AGO2: variants seen among roughly 807,000 people sequenced by gnomAD.
AGO2 encodes protein argonaute-2.
A neutral mutation model predicts 102.3 loss-of-function variants in AGO2; 5 were observed. That is an observed-to-expected ratio of 0.05 (90% confidence interval 0.03 to 0.10). The LOEUF is 0.10. AGO2 is among the 10% of genes least tolerant of loss of function. AGO2 has a pLI of 1.00. For missense variants in AGO2, 541 were observed against 1,183.7 expected (o/e 0.46, Z 7.97); for synonymous variants, 449 against 473.1 (o/e 0.95, Z 0.66).
upstream of AGO2, among the ~76,000 whole-genome samples, chr8:140,640,004 A>ATT (rs35545003): frequency 2.0e-5 from 3 of 151,008 alleles, no homozygotes; most frequent in Non-Finnish European, 1.5e-5. Context: ...TCAAGTTGCC[A>ATT]TTTTTTTTTA....
intron 16 of AGO2, among the ~76,000 whole-genome samples, chr8:140,537,785 T>A (rs535692283): frequency 6.6e-6 from 1 of 152,306 alleles, no homozygotes; most frequent in East Asian, 1.9e-4. Context: ...AGTTGCTGTA[T>A]CTTTTTGGTG....
intron 1 of AGO2, among the ~76,000 whole-genome samples, chr8:140,633,158 G>A (rs943139751): frequency 4.6e-5 from 7 of 152,062 alleles, no homozygotes; most frequent in Admixed American, 6.5e-5. Context: ...TGATCCGCCC[G>A]CCTTGGCCTC....
At chr8:140,561,232 C>T (rs778202004) in intron 4 of AGO2, among the ~76,000 whole-genome samples, 6 of 152,364 alleles carry the variant, frequency 3.9e-5, no homozygotes, top group East Asian at 3.9e-4. Context: ...CGGGAGGCGC[C>T]GTCACTAATG....
At chr8:140,555,250 C>A (rs987610783) in intron 10 of AGO2, among the ~76,000 whole-genome samples, 4 of 152,158 alleles carry the variant, frequency 2.6e-5, no homozygotes, top group Non-Finnish European at 5.9e-5. Context: ...CCGTGGTATG[C>A]AAGCGAGCCC....
chr8:140,612,372 T>A (rs888227167), intron 1 of AGO2, among the ~76,000 whole-genome samples: 1 of 152,054 alleles, frequency 6.6e-6, no homozygotes, highest in Middle Eastern at 3.2e-3. Context: ...GTGTTCCAAA[T>A]GCCTGGTGCA....
chr8:140,547,053 T>TC (rs1364248180), intron 13 of AGO2, among the ~76,000 whole-genome samples: 1 of 152,190 alleles, frequency 6.6e-6, no homozygotes, highest in Non-Finnish European at 1.5e-5. Flanking sequence ...GAGGAGCTTT[T>TC]CAGTCTAAAG....
chr8:140,627,784 C>T (rs747659376), intron 1 of AGO2, among the ~76,000 whole-genome samples: 3 of 152,182 alleles, frequency 2.0e-5, no homozygotes, highest in South Asian at 2.1e-4. Flanking sequence ...GAACCACAGG[C>T]GGCACCCCAC....
At chr8:140,641,576 TTAAAAA>T in the AGO2 span, among the ~76,000 whole-genome samples, 1 of 152,184 alleles carries the variant, frequency 6.6e-6, no homozygotes, top group Non-Finnish European at 1.5e-5. Context: ...CTAATGACAA[TTAAAAA>T]TAAAAATTTA....
Position 140,619,568 on chromosome 8 carries a change from G to A in AGO2, c.22+15917C>T, listed in dbSNP as rs114899598. The stretch of plus-strand genomic sequence containing the variant: ...TGAGGCAAAGGCCGCTCACTGCGCC[G>A]CAGAGCACAGAAGAGGAGGGACCTA... On this transcript the variant is annotated intron_variant, in intron 1 of 18. Transcript: ENST00000220592. Among the ~76,000 whole-genome samples, 978 of 152,316 alleles carry A rather than the reference G, an allele frequency of 6.4e-3. 15 individuals carry two copies. The highest frequency in any genetic ancestry group is 0.022 in the African/African-American group (927 of 41,580).
At chr8:140,548,480 G>A (rs779362840) in intron 12 of AGO2, among the ~76,000 whole-genome samples, 1 of 152,078 alleles carries the variant, frequency 6.6e-6, no homozygotes, top group Non-Finnish European at 1.5e-5. Context: ...CCCACCCCCC[G>A]CTATTCCTGG....
intron 16 of AGO2, among the ~76,000 whole-genome samples, chr8:140,537,446 C>T (rs961895299): frequency 6.6e-6 from 1 of 151,938 alleles, no homozygotes; most frequent in Non-Finnish European, 1.5e-5. Context: ...GGACCATAGG[C>T]GTATGCTACC....
chr8:140,542,331 C>T (rs1212518357), intron 14 of AGO2, among the ~76,000 whole-genome samples: 1 of 152,236 alleles, frequency 6.6e-6, no homozygotes, highest in Non-Finnish European at 1.5e-5. Context: ...CAATCTGCCT[C>T]CTTCTTCGTA....
intron 1 of AGO2, 126 bp from the exon 2 acceptor site, chr8:140,585,437 G>A (rs1317649508): frequency 1.2e-5 from 13 of 1,043,284 alleles, no homozygotes; most frequent in Non-Finnish European, 1.8e-5. Context: ...GGCCAATATT[G>A]CATTCCACAG....
chr8:140,632,028 G>A (rs759917910), intron 1 of AGO2, among the ~76,000 whole-genome samples: 15 of 152,098 alleles, frequency 9.9e-5, no homozygotes, highest in Non-Finnish European at 2.2e-4. Flanking sequence ...GTAACGATTC[G>A]TGAAACAAAA....
At chr8:140,642,254 T>G in the AGO2 span, among the ~76,000 whole-genome samples, 1 of 152,162 alleles carries the variant, frequency 6.6e-6, no homozygotes, top group Non-Finnish European at 1.5e-5. Flanking sequence ...TGTGTTTGTG[T>G]TCCGCCAACA....
intron 11 of AGO2, among the ~76,000 whole-genome samples, chr8:140,550,095 G>A (rs975056213): frequency 7.9e-5 from 12 of 152,176 alleles, no homozygotes; most frequent in Non-Finnish European, 1.0e-4. Context: ...GCGACCCTGT[G>A]TTCAGAACTA....
chr8:140,598,405 T>C (rs1486311189), intron 1 of AGO2, among the ~76,000 whole-genome samples: 1 of 152,260 alleles, frequency 6.6e-6, no homozygotes, highest in African/African-American at 2.4e-5. Flanking sequence ...TTTGCATCTC[T>C]CCTGCTTCGC....
chr8:140,583,132 C>T (rs2073583119), intron 2 of AGO2, among the ~76,000 whole-genome samples: 1 of 152,206 alleles, frequency 6.6e-6, no homozygotes, highest in Non-Finnish European at 1.5e-5. Flanking sequence ...GCACTGTCTT[C>T]CTCCTGCCTC....
chr8:140,552,467 C>T (rs1461774271), intron 10 of AGO2, among the ~76,000 whole-genome samples: 1 of 152,192 alleles, frequency 6.6e-6, no homozygotes, highest in Non-Finnish European at 1.5e-5. Context: ...TGCGGCTGTG[C>T]CTGGGCTGCC....
Sources: allele counts gnomAD v4.1 joint callset (sites outside exome capture counted in the v4.1 genomes callset), GRCh38; gene constraint gnomAD v4.1.1; transcripts MANE v1.5; gene names NCBI Gene and HGNC (gene_info 2026-07-23, HGNC 2026-07-21).